Variants in OTOF observed in about 807,000 individuals in gnomAD.
The protein encoded by OTOF is otoferlin, also known as fer-1-like family member 2.
OTOF carries 218 observed loss-of-function variants against 236.8 expected under a neutral mutation model. The observed-to-expected ratio is 0.92, with a 90% CI of 0.82 to 1.03. The LOEUF (loss-of-function observed/expected upper bound fraction) is 1.03, where lower values mean the gene tolerates loss of function less well. Ranked by LOEUF, OTOF falls within the 50% of genes least tolerant of loss-of-function variation. The pLI is 0.00. For synonymous variants in OTOF, 1,041 were observed against 1,072.5 expected, an observed-to-expected ratio of 0.97 and a Z score of 0.57; for missense variants, 2,590 against 2,694.4, an observed-to-expected ratio of 0.96 and a Z score of 0.86.
At chr2:26,480,074 C>T (rs1195527180) in intron 16 of OTOF, 129 bp downstream of exon 16, 11 of 711,100 alleles carry the variant, frequency 1.5e-5, no homozygotes, top group East Asian at 7.7e-5. Flanking sequence ...AAGGGGTCAA[C>T]GTTCCCTACA....
At chr2:26,557,539 G>A (rs1200321159) in intron 1 of OTOF, among the ~76,000 whole-genome samples, 4 of 152,082 alleles carry the variant, frequency 2.6e-5, no homozygotes, top group Non-Finnish European at 2.9e-5. Flanking sequence ...TCTGGCCTCC[G>A]CTCCTGCACC....
At position 26,518,901 on chromosome 2, in the gene OTOF, G is replaced by C. The variant is rs74613195; in HGVS notation, c.327+109C>G. ...GAGTCTCCTCCTCCTGCGACACCTC[G>C]CCATGCATGAGAGGCATTCCCCAGA... On this transcript the variant is annotated intron_variant, in intron 4 of 46. Coordinates refer to ENST00000272371, the MANE Select transcript of OTOF (RefSeq NM_194248.3). The C allele has an allele frequency of 3.0e-4, 236 of 793,938 alleles. 1 individual carries two copies. Among genetic ancestry groups the C allele is most frequent in the African/African-American group, 2.4e-3 (143 of 59,278 alleles). 49.2% of individuals were successfully genotyped at this position (793,938 alleles called of 1,614,324 possible).
Position 26,467,413 on chromosome 2 carries a change from C to G in OTOF, c.4179G>C (p.Gln1393His). ...TCTTCTTCTCGGGGGCCTCGGACCC[C>G]TGGCCAGAGCCAGAGCTCTGAGTTT... ...KKKTQSSGSG[Q>H]GSEAPEKKKP... Residue 1393 changes from glutamine (Q) to histidine (H), a missense_variant, in exon 34 of 47, where the codon CAG becomes CAC. By Grantham distance (24) the Gln-to-His change is conservative. Around this residue, in one of 2 missense-constraint regions of OTOF, gnomAD observed 1,211 missense variants for 1,352.8 expected, o/e 0.90. Transcript: ENST00000272371. 6.2e-7 allele frequency: 1 copy of G among 1,614,054 alleles called. No homozygotes were observed. The highest frequency in any genetic ancestry group is 8.5e-7 in the Non-Finnish European group (1 of 1,180,016).
At position 26,461,978 on chromosome 2, in the gene OTOF, G is replaced by T; in HGVS notation, c.5292-41C>A. ...CTCCAGACCCGCAGCCAGGCTGGTGGGGCCTCTCCCACCCACAGCCACCTT... is the reference window on the plus strand; with the variant it reads ...CTCCAGACCCGCAGCCAGGCTGGTGTGGCCTCTCCCACCCACAGCCACCTT... On this transcript the variant is annotated intron_variant, in intron 42 of 46. Transcript: ENST00000272371. This position sits in a 1 kb window ranked among gnomAD's most constrained non-coding sequence, Gnocchi z 6.2. The T allele has an allele frequency of 6.2e-7, 1 of 1,613,534 alleles. No homozygotes were observed. The highest frequency in any genetic ancestry group is 8.5e-7 in the Non-Finnish European group (1 of 1,179,876).
rs541961412 is a variant in OTOF, at chr2:26,543,298, G to A, written c.80-5524C>T. Among the ~76,000 whole-genome samples the A allele has an allele frequency of 3.3e-5, 5 of 152,336 alleles. No homozygotes were observed. The South Asian group carries it at 6.2e-4, about 19-fold the overall frequency. ...ACTCAGGTGTGCGGCCCGGCACAAC[G>A]GCCCATGGTCTGGAGGCCTGGGAGC... is the stretch of plus-strand genomic sequence containing the variant. On this transcript the variant is annotated intron_variant, in intron 1 of 46. Coordinates refer to ENST00000272371, the MANE Select transcript of OTOF (RefSeq NM_194248.3).
chr2:26,538,618 T>C (rs1043250662), intron 1 of OTOF, among the ~76,000 whole-genome samples: 3 of 152,112 alleles, frequency 2.0e-5, no homozygotes, highest in African/African-American at 7.2e-5. Flanking sequence ...TCGAGGGGGC[T>C]CCATCGTGTG....
At position 26,544,271 on chromosome 2, in the gene OTOF, A is replaced by G. The variant is rs180728237; in HGVS notation, c.80-6497T>C. On this transcript the variant is annotated intron_variant, in intron 1 of 46. Transcript: ENST00000272371. ...AGTTTCAATAAATGCATTTCCCTGT[A>G]TACCGCCACACAATCAAGACATAGA... Among the ~76,000 whole-genome samples the G allele has an allele frequency of 4.6e-5, 7 of 152,346 alleles. No individual in the cohort carries two copies. In the East Asian group the frequency reaches 1.3e-3, roughly 29 times the overall value.
At chr2:26,491,010 G>GCT (rs1665827965) in intron 9 of OTOF, among the ~76,000 whole-genome samples, 1 of 152,168 alleles carries the variant, frequency 6.6e-6, no homozygotes, top group Non-Finnish European at 1.5e-5. Context: ...CTGACACCTT[G>GCT]GAGATGGAGG....
chr2:26,474,554 C>G lies in OTOF; in HGVS notation c.3247G>C (p.Ala1083Pro), dbSNP rs80356574. The G allele has an allele frequency of 0.019, 30,714 of 1,612,842 alleles. 374 individuals carry two copies. The highest frequency in any genetic ancestry group is 0.022 in the Non-Finnish European group (26,067 of 1,179,860). ...GCCGCCAGCAGGTCTCCAGCTGTGGCGTTGCCACGGTAGATCTGGTAGTAC... is the reference window on the plus strand; with the variant it reads ...GCCGCCAGCAGGTCTCCAGCTGTGGGGTTGCCACGGTAGATCTGGTAGTAC... Reference protein sequence around the residue: ...LEYYQIYRGNATAGDLLAAFE... With the variant: ...LEYYQIYRGNPTAGDLLAAFE... The change falls in exon 26 of 47, where the codon GCC becomes CCC. Residue 1083 changes from alanine to proline, a missense_variant. Coordinates refer to ENST00000272371, the MANE Select transcript of OTOF (RefSeq NM_194248.3).
At position 26,482,520 on chromosome 2, in the gene OTOF, G is replaced by T; in HGVS notation, c.1465C>A (p.Pro489Thr). ...NEQVVFTDLF[P>T]PLCKRMKVQI... ...ACCTTCATGCGTTTGCAGAGTGGGG[G>T]GAAGAGGTCTGTAAAGACGACCTGC... Residue 489 changes from proline to threonine, a missense_variant, in exon 14 of 47, where the codon CCC becomes ACC. Physicochemically the swap from Pro to Thr is conservative, Grantham distance 38. Coordinates refer to ENST00000272371, the MANE Select transcript of OTOF (RefSeq NM_194248.3). 6.2e-7 allele frequency: 1 copy of T among 1,613,420 alleles called. No homozygotes were observed. Among genetic ancestry groups the T allele is most frequent in the Admixed American group, 1.7e-5 (1 of 60,030 alleles).
intron 6 of OTOF, among the ~76,000 whole-genome samples, chr2:26,502,849 G>A (rs980948789): frequency 6.6e-5 from 10 of 152,318 alleles, no homozygotes; most frequent in South Asian, 4.1e-4. Context: ...CAAGATGGGC[G>A]TTATTCTCAT....
intron 33 of OTOF, among the ~76,000 whole-genome samples, chr2:26,468,070 A>G (rs553980013): frequency 6.6e-6 from 1 of 152,350 alleles, no homozygotes; most frequent in South Asian, 2.1e-4. Flanking sequence ...ACCAAAACTA[A>G]TTTGTTCCTT....
chr2:26,488,699 G>A (rs13430676), intron 11 of OTOF, among the ~76,000 whole-genome samples: 3,061 of 152,304 alleles, frequency 0.02, 100 homozygotes, highest in African/African-American at 0.069. Flanking sequence ...CTTCACCCCC[G>A]GCCAGCTGTG....
intron 8 of OTOF, among the ~76,000 whole-genome samples, chr2:26,501,335 C>T (rs1666111460): frequency 6.6e-6 from 1 of 152,194 alleles, no homozygotes; most frequent in Non-Finnish European, 1.5e-5. Flanking sequence ...TAAACAGAAT[C>T]GTCATTACTT....
intron 38 of OTOF, among the ~76,000 whole-genome samples, 172 bp from the exon 39 acceptor site, chr2:26,465,201 C>G (rs535460254): frequency 6.6e-6 from 1 of 152,286 alleles, no homozygotes; most frequent in East Asian, 1.9e-4. Context: ...CTGCTGGAGG[C>G]TGAACCTTCC....
intron 1 of OTOF, among the ~76,000 whole-genome samples, chr2:26,538,274 C>A (rs1171063955): frequency 6.6e-6 from 1 of 152,216 alleles, no homozygotes; most frequent in Non-Finnish European, 1.5e-5. Flanking sequence ...ACCAGGCCCC[C>A]AACAACAAGT....
intron 29 of OTOF, among the ~76,000 whole-genome samples, chr2:26,472,874 G>C (rs1296151626): frequency 1.3e-5 from 2 of 152,192 alleles, no homozygotes; most frequent in Non-Finnish European, 2.9e-5. Flanking sequence ...GGGGAGGCCT[G>C]GGTCTTCTCC....
intron 1 of OTOF, among the ~76,000 whole-genome samples, chr2:26,538,772 A>C (rs913193991): frequency 6.6e-6 from 1 of 151,340 alleles, no homozygotes; most frequent in Non-Finnish European, 1.5e-5. Flanking sequence ...ATGGTCTAGA[A>C]GGGAGGCCAG....
chr2:26,537,291 T>C (rs1338627304), intron 2 of OTOF, among the ~76,000 whole-genome samples: 1 of 152,156 alleles, frequency 6.6e-6, no homozygotes, highest in Non-Finnish European at 1.5e-5. Context: ...TGCCCGGGGC[T>C]GCCCTGCTCT....
Sources: gnomAD v4.1 joint callset for allele counts (sites outside exome capture counted in the v4.1 genomes callset) on GRCh38, gnomAD v4.1.1 for gene constraint, gnomAD v4.1.1 regional missense constraint, Gnocchi (gnomAD v3.1) non-coding constraint, MANE v1.5 for transcripts, NCBI Gene and HGNC (gene_info 2026-07-23, HGNC 2026-07-21) for gene names.